MAP3K5: variants seen among roughly 807,000 people sequenced by gnomAD.
MAP3K5 encodes mitogen-activated protein kinase kinase kinase 5.
MAP3K5 carries 56 observed loss-of-function variants against 158.7 expected under a neutral mutation model. The ratio of observed to expected loss-of-function variants is 0.35; its 90% CI spans 0.28 to 0.44. The LOEUF (loss-of-function observed/expected upper bound fraction) is 0.44. Ranked by LOEUF, MAP3K5 falls within the 20% of genes least tolerant of loss-of-function variation. The probability of loss-of-function intolerance (pLI) is 1.00; values close to 1 mark genes in which losing one functional copy is unlikely to be tolerated. For missense variants in MAP3K5, 1,294 were observed against 1,674.8 expected, an observed-to-expected ratio of 0.77 and a Z score of 3.97; for synonymous variants, 579 against 601.7, an observed-to-expected ratio of 0.96 and a Z score of 0.55.
intron 23 of MAP3K5, among the ~76,000 whole-genome samples, chr6:136,587,935 T>C (rs1277888934): frequency 6.6e-6 from 1 of 152,180 alleles, no homozygotes; most frequent in Non-Finnish European, 1.5e-5. Flanking sequence ...GTCATAGAAG[T>C]GATGACCAAG....
At chr6:136,644,826 G>A (rs1476741689) in intron 11 of MAP3K5, among the ~76,000 whole-genome samples, 2 of 152,162 alleles carry the variant, frequency 1.3e-5, no homozygotes, top group South Asian at 2.1e-4. Context: ...CCGGGATGCC[G>A]CCTGTGTGAG....
chr6:136,698,452 T>C, intron 4 of MAP3K5, 37 bp downstream of exon 4: 5 of 1,564,168 alleles, frequency 3.2e-6, no homozygotes, highest in Non-Finnish European at 4.4e-6. Context: ...TAACACTTTA[T>C]TGTCATCACC....
intron 2 of MAP3K5, among the ~76,000 whole-genome samples, chr6:136,719,173 C>CTAAA (rs1411678377): frequency 2.6e-5 from 4 of 151,920 alleles, no homozygotes; most frequent in Admixed American, 6.6e-5. Context: ...GAGATCCTGT[C>CTAAA]TAAATAAATA....
At chr6:136,645,460 C>T (rs567826925) in intron 11 of MAP3K5, among the ~76,000 whole-genome samples, 1 of 152,258 alleles carries the variant, frequency 6.6e-6, no homozygotes, top group South Asian at 2.1e-4. Context: ...AGGCCCCTGC[C>T]TTTGCTTGAT....
intron 7 of MAP3K5, among the ~76,000 whole-genome samples, chr6:136,675,555 T>C (rs1350642628): frequency 1.3e-5 from 2 of 152,052 alleles, no homozygotes; most frequent in Non-Finnish European, 2.9e-5. Context: ...TACTGAAAAT[T>C]AGAAGGTATT....
chr6:136,699,175 C>T (rs1010496031), intron 3 of MAP3K5, among the ~76,000 whole-genome samples: 6 of 152,176 alleles, frequency 3.9e-5, no homozygotes, highest in African/African-American at 1.2e-4. Context: ...AAACTACAGG[C>T]CCAGAAGTTA....
intron 7 of MAP3K5, among the ~76,000 whole-genome samples, chr6:136,693,460 A>G (rs973395323): frequency 2.6e-5 from 4 of 152,076 alleles, no homozygotes; most frequent in African/African-American, 9.7e-5. Context: ...TGCTGGGGGG[A>G]ATTAAAATCT....
intron 2 of MAP3K5, among the ~76,000 whole-genome samples, chr6:136,711,030 A>C (rs1315791231): frequency 6.6e-6 from 1 of 152,174 alleles, no homozygotes; most frequent in East Asian, 1.9e-4. Flanking sequence ...CTTTCTGCAC[A>C]CTGCTAAAAC....
At chr6:136,606,170 G>A (rs1435654018) in intron 18 of MAP3K5, among the ~76,000 whole-genome samples, 1 of 152,172 alleles carries the variant, frequency 6.6e-6, no homozygotes, top group Non-Finnish European at 1.5e-5. Context: ...GGCAAACATG[G>A]TGAAACCCTG....
chr6:136,640,690 T>C (rs1421505551), intron 12 of MAP3K5, among the ~76,000 whole-genome samples: 1 of 152,212 alleles, frequency 6.6e-6, no homozygotes, highest in Non-Finnish European at 1.5e-5. Flanking sequence ...GATGTCTTAG[T>C]CATTTTTGTA....
intron 3 of MAP3K5, among the ~76,000 whole-genome samples, chr6:136,700,577 A>C (rs1780809190): frequency 6.6e-6 from 1 of 152,250 alleles, no homozygotes; most frequent in Non-Finnish European, 1.5e-5. Context: ...AATTCTAGTT[A>C]AAATATGAGA....
At chr6:136,760,367 T>C (rs1023172893) in intron 1 of MAP3K5, among the ~76,000 whole-genome samples, 2 of 152,236 alleles carry the variant, frequency 1.3e-5, no homozygotes, top group Non-Finnish European at 2.9e-5. Flanking sequence ...TATATATTAA[T>C]TAGCTCTCTC....
intron 1 of MAP3K5, among the ~76,000 whole-genome samples, chr6:136,762,717 A>C (rs531718264): frequency 1.2e-4 from 19 of 152,300 alleles, no homozygotes; most frequent in African/African-American, 4.3e-4. Context: ...TCCTCTAGGG[A>C]CAGGCAGGTT....
intron 3 of MAP3K5, among the ~76,000 whole-genome samples, chr6:136,702,750 C>T (rs1036121374): frequency 2.6e-5 from 4 of 152,328 alleles, no homozygotes; most frequent in African/African-American, 9.6e-5. Flanking sequence ...GGCTGGAGCA[C>T]AGTGACATGA....
At chr6:136,639,510 G>A (rs926091255) in intron 13 of MAP3K5, 33 bp downstream of exon 13, 10 of 1,234,068 alleles carry the variant, frequency 8.1e-6, no homozygotes, top group Non-Finnish European at 1.2e-5. Context: ...CAGGTAAGAA[G>A]AATCTTTTTC....
intron 21 of MAP3K5, among the ~76,000 whole-genome samples, chr6:136,593,495 T>C (rs558337024): frequency 6.6e-6 from 1 of 152,288 alleles, no homozygotes; most frequent in Admixed American, 6.5e-5. Flanking sequence ...CAGCCACAGT[T>C]ACTTGCCAGG....
chr6:136,565,083 A>C (rs955328473), intron 26 of MAP3K5, among the ~76,000 whole-genome samples: 1 of 152,310 alleles, frequency 6.6e-6, no homozygotes, highest in South Asian at 2.1e-4. Flanking sequence ...AACTCCATTA[A>C]ATTTAATTTG....
Position 136,558,836 on chromosome 6 carries a change from T to G in MAP3K5, c.4028A>C (p.Tyr1343Ser), listed in dbSNP as rs776779277. The change falls in exon 29 of 30, where the codon TAT (tyrosine) becomes TCT (serine). Residue 1343 changes from tyrosine to serine, a missense_variant. Tyr to Ser is a moderately radical substitution (Grantham distance 144). Around this residue, in one of 5 missense-constraint regions of MAP3K5, gnomAD observed 199 missense variants for 220.3 expected, o/e 0.90. Transcript: ENST00000359015. ...GCATTTTAAGTCATCACGTGTAACA[T>G]AGTAGAGAACATCCAATAGTGTATA... ...EDYTLLDVLYYVTRDDLKCLR... is the reference protein window; with the variant it reads ...EDYTLLDVLYSVTRDDLKCLR... 2.5e-6 allele frequency: 4 copies of G among 1,605,116 alleles called. No homozygotes were observed. In the East Asian group the frequency reaches 8.9e-5, roughly 36 times the overall value.
rs1363974197 is a variant in MAP3K5 at position 136,641,953 on chromosome 6, A to C, written c.1838+567T>G. ...CAGTGAACTGAGATCATGCCACTGCACTCCAGCCTGGGCGAAAACAGCAAA... is the reference window on the plus strand; with the variant it reads ...CAGTGAACTGAGATCATGCCACTGCCCTCCAGCCTGGGCGAAAACAGCAAA... On this transcript the variant is annotated intron_variant, in intron 12 of 29. Coordinates refer to ENST00000359015, the MANE Select transcript of MAP3K5 (RefSeq NM_005923.4). Among the ~76,000 whole-genome samples the C allele has an allele frequency of 2.5e-4, 38 of 150,986 alleles. No homozygotes were observed. The Admixed American group carries it at 2.5e-3, about 10-fold the overall frequency.
Sources: allele counts gnomAD v4.1 joint callset (sites outside exome capture counted in the v4.1 genomes callset), GRCh38; gene constraint gnomAD v4.1.1; regional missense constraint gnomAD v4.1.1; transcripts MANE v1.5; gene names NCBI Gene and HGNC (gene_info 2026-07-23, HGNC 2026-07-21).